COQ5: variants seen among roughly 807,000 people sequenced by gnomAD.
The protein encoded by COQ5 is coenzyme Q5, methyltransferase, also known as 2-methoxy-6-polyprenyl-1,4-benzoquinol methylase, mitochondrial.
In COQ5, 27 loss-of-function variants were observed where a neutral mutation model predicts 40.5. The observed-to-expected ratio is 0.67, with a 90% CI of 0.49 to 0.92. COQ5 has a LOEUF of 0.92. Among genes scored for constraint, COQ5 ranks in the 40% least tolerant of loss-of-function variants. The pLI, the probability that COQ5 is intolerant of heterozygous loss-of-function variation, is 0.00. For synonymous variants in COQ5, 141 were observed against 150.0 expected, an observed-to-expected ratio of 0.94 and a Z score of 0.44; for missense variants, 409 against 406.4, an observed-to-expected ratio of 1.01 and a Z score of -0.06.
Position 120,528,983 on chromosome 12 carries a change from G to A in COQ5, c.159C>T (p.His53=). The part of the protein sequence containing the change: ...LSQEKRAAET[H]FGFETVSEEE... ...CTTCCGACACAGTCTCAAACCCAAA[G>A]TGCGTTTCCGCTGCCCGCTTCTCTT... Residue 53 remains histidine, a synonymous_variant, in exon 1 of 7, where the codon CAC becomes CAT. Transcript: ENST00000288532. 1 of 1,613,906 alleles carries A rather than the reference G, an allele frequency of 6.2e-7. No individual in the cohort carries two copies. The highest frequency in any genetic ancestry group is 8.5e-7 in the Non-Finnish European group (1 of 1,180,000).
intron 2 of COQ5, 137 bp downstream of exon 2, chr12:120,522,077 T>A: frequency 1.2e-6 from 1 of 826,500 alleles, no homozygotes; most frequent in Middle Eastern, 2.6e-4. Context: ...AGTGCGTGCC[T>A]TTCTCAGAAG....
Position 120,503,576 on chromosome 12 carries a change from G to C in COQ5, c.*208C>G, listed in dbSNP as rs117337139. On this transcript the variant is annotated 3_prime_UTR_variant, in exon 7 of 7. Coordinates refer to ENST00000288532, the MANE Select transcript of COQ5 (RefSeq NM_032314.4). The stretch of plus-strand genomic sequence containing the variant: ...CAAAGATACAGACCAAATGCCTCTG[G>C]GAGATGGACTGAAGCAGCTCCAAAG... 1,530 of 673,304 alleles carry C rather than the reference G, an allele frequency of 2.3e-3. 2 individuals are homozygous for C. The highest frequency in any genetic ancestry group is 3.3e-3 in the Admixed American group (162 of 49,012). The allele number at this position is 673,304 out of a possible 1,614,324, so 41.7% of individuals were successfully genotyped here.
intron 3 of COQ5, among the ~76,000 whole-genome samples, chr12:120,514,990 C>T (rs1311484830): frequency 6.6e-6 from 1 of 152,082 alleles, no homozygotes; most frequent in Non-Finnish European, 1.5e-5. Context: ...CAGGGTTTCT[C>T]CATATTGGTC....
chr12:120,504,833 C>A, intron 5 of COQ5, 62 bp downstream of exon 5: 4 of 1,382,610 alleles, frequency 2.9e-6, no homozygotes. Context: ...TATTTTCAAT[C>A]CATTTCGGGG....
chr12:120,518,270 A>G lies in COQ5; in HGVS notation c.353-1482T>C, dbSNP rs77468750. 4.9e-3 allele frequency among the ~76,000 whole-genome samples: 742 copies of G among 152,068 alleles called. 51 individuals are homozygous for G. In the East Asian group the frequency reaches 0.13, roughly 27 times the overall value. On this transcript the variant is annotated intron_variant, in intron 2 of 6. Transcript: ENST00000288532. ...GTGAAACTCAGTCTCTACGAAAAAA[A>G]TTACAAAAATTAGCCAGGTGTGGGG...
Position 120,522,323 on chromosome 12 carries a change from C to G in COQ5, c.243G>C (p.Val81=). 1 of 1,613,806 alleles carries G rather than the reference C, an allele frequency of 6.2e-7. No homozygotes were observed. The highest frequency in any genetic ancestry group is 8.5e-7 in the Non-Finnish European group (1 of 1,179,702). ...TACCAAGACTCATCATATCATTCAT[C>G]ACATCATACTTCTTAGCCACACTTT... ...VFESVAKKYD[V]MNDMMSLGIH... Residue 81 remains valine (V), a synonymous_variant, in exon 2 of 7, where the codon GTG becomes GTC. Coordinates refer to ENST00000288532, the MANE Select transcript of COQ5 (RefSeq NM_032314.4).
At chr12:120,523,342 A>C in intron 1 of COQ5, 1 of 324,870 alleles carries the variant, frequency 3.1e-6, no homozygotes, top group Non-Finnish European at 5.9e-6. Context: ...GTCTCAAAGA[A>C]AAAAAAATAG....
chr12:120,520,873 T>G (rs1869614912), intron 2 of COQ5, among the ~76,000 whole-genome samples: 2 of 151,654 alleles, frequency 1.3e-5, no homozygotes, highest in Admixed American at 6.6e-5. Context: ...TGCACAAACT[T>G]TTGATATTTG....
chr12:120,515,035 A>AC (rs752830598), intron 3 of COQ5, among the ~76,000 whole-genome samples: 64 of 150,772 alleles, frequency 4.2e-4, no homozygotes, highest in African/African-American at 6.4e-4. Context: ...CAGGGGATCC[A>AC]CCCCCCCTCG....
chr12:120,516,711 G>A lies in COQ5; in HGVS notation c.430C>T (p.Gln144Ter), dbSNP rs757061664. 8 of 1,614,154 alleles carry A rather than the reference G, an allele frequency of 5.0e-6. No individual in the cohort carries two copies. The South Asian group carries it at 6.6e-5, about 13-fold the overall frequency. The part of the protein sequence containing the change: ...RKQKRQLRAQ[Q>*]NLSWEEIAKE... ...GCAATTTCTTCCCAGGATAAATTTT[G>A]TTGGGCCCTTAACTGCCTCTTCTGT... is the stretch of plus-strand genomic sequence containing the variant. The change falls in exon 3 of 7, where the codon CAA (glutamine) becomes TAA (stop). Residue 144 changes from glutamine (Q) to a stop codon, truncating the protein, a stop_gained. Coordinates refer to ENST00000288532, the MANE Select transcript of COQ5 (RefSeq NM_032314.4). LOFTEE classifies it high-confidence loss of function.
intron 1 of COQ5, among the ~76,000 whole-genome samples, chr12:120,524,423 G>A (rs1291999045): frequency 6.6e-6 from 1 of 151,226 alleles, no homozygotes; most frequent in Non-Finnish European, 1.5e-5. Flanking sequence ...ACCACGCCCA[G>A]CTAATTTTTT....
chr12:120,503,940 C>A (rs377540860), intron 6 of COQ5, 30 bp downstream of exon 6: 2 of 1,594,594 alleles, frequency 1.3e-6, no homozygotes, highest in East Asian at 2.2e-5. Flanking sequence ...CACTGTAGGG[C>A]CTTTGTTTAA....
At position 120,503,817 on chromosome 12, in the gene COQ5, G is replaced by T. The variant is rs1371547099; in HGVS notation, c.951C>A (p.Gly317=). 2 of 1,614,038 alleles carry T rather than the reference G, an allele frequency of 1.2e-6. No homozygotes were observed. The highest frequency in any genetic ancestry group is 3.3e-5 in the Admixed American group (2 of 60,002). The change falls in exon 7 of 7, where the codon GGC becomes GGA. Residue 317 remains glycine, a synonymous_variant. Transcript: ENST00000288532. ...HKVTYESLTS[G]IVAIHSGFKL ...TGAAGCCAGAATGAATGGCCACAAT[G>T]CCTGATGTTAGACTTTCGTAAGTCA...
chr12:120,504,559 A>ATT (rs11385536), intron 5 of COQ5: 9,949 of 260,730 alleles, frequency 0.038, no homozygotes, highest in South Asian at 0.07. Flanking sequence ...AAATTTCCTG[A>ATT]TTTTTTTTTT....
At chr12:120,526,892 T>G (rs1869977368) in intron 1 of COQ5, 1 of 161,202 alleles carries the variant, frequency 6.2e-6, no homozygotes, top group Non-Finnish European at 1.3e-5. Context: ...TTTTTTTGTA[T>G]TTTTAGTAGA....
chr12:120,513,603 T>C (rs1869244609), intron 3 of COQ5, among the ~76,000 whole-genome samples: 1 of 150,980 alleles, frequency 6.6e-6, no homozygotes, highest in Non-Finnish European at 1.5e-5. Flanking sequence ...TGGTGCGACG[T>C]CCACCTCCTG....
Position 120,519,285 on chromosome 12 carries a change from G to C in COQ5, c.353-2497C>G, listed in dbSNP as rs573209989. Among the ~76,000 whole-genome samples, 5 of 152,270 alleles carry C rather than the reference G, an allele frequency of 3.3e-5. No homozygotes were observed. The East Asian group carries it at 9.6e-4, about 29-fold the overall frequency. On this transcript the variant is annotated intron_variant, in intron 2 of 6. Transcript: ENST00000288532. ...TAGAATTGAAAATGTGAGGCCAGGCGGAGTGGGTCAGGCCTGTAATCTCAA... is the reference window on the plus strand; with the variant it reads ...TAGAATTGAAAATGTGAGGCCAGGCCGAGTGGGTCAGGCCTGTAATCTCAA...
rs751196540 is a variant in COQ5, at chr12:120,503,575, G to T, written c.*209C>A. The stretch of plus-strand genomic sequence containing the variant: ...GCAAAGATACAGACCAAATGCCTCT[G>T]GGAGATGGACTGAAGCAGCTCCAAA... On this transcript the variant is annotated 3_prime_UTR_variant, in exon 7 of 7. Coordinates refer to ENST00000288532, the MANE Select transcript of COQ5 (RefSeq NM_032314.4). 9 of 672,178 alleles carry T rather than the reference G, an allele frequency of 1.3e-5. No individual in the cohort carries two copies. The South Asian group carries it at 1.4e-4, about 10-fold the overall frequency. 41.6% of individuals were successfully genotyped at this position (672,178 alleles called of 1,614,324 possible).
chr12:120,520,027 T>C (rs1236342515), intron 2 of COQ5, among the ~76,000 whole-genome samples: 2 of 152,058 alleles, frequency 1.3e-5, no homozygotes, highest in African/African-American at 4.8e-5. Flanking sequence ...CAGATAAATA[T>C]GTTTCAAGTA....
Sources: gnomAD v4.1 joint callset for allele counts (sites outside exome capture counted in the v4.1 genomes callset) on GRCh38, gnomAD v4.1.1 for gene constraint, MANE v1.5 for transcripts, NCBI Gene and HGNC (gene_info 2026-07-23, HGNC 2026-07-21) for gene names.